Variants in ATP11A observed in about 807,000 individuals in gnomAD.
The protein encoded by ATP11A is ATPase phospholipid transporting 11A, also known as phospholipid-transporting ATPase IH.
A neutral mutation model predicts 154.4 loss-of-function variants in ATP11A; 81 were observed. That is an observed-to-expected ratio of 0.52 (90% CI 0.44 to 0.63). The LOEUF (loss-of-function observed/expected upper bound fraction) is 0.63. Ranked by LOEUF, ATP11A falls within the 30% of genes least tolerant of loss-of-function variation. The pLI is 0.00. For missense variants in ATP11A, 1,316 were observed against 1,474.3 expected (o/e 0.89, Z 1.76); for synonymous variants, 623 against 585.9 (o/e 1.06, Z -0.91).
chr13:112,716,969 G>C (rs906919172), intron 1 of ATP11A, among the ~76,000 whole-genome samples: 1 of 152,164 alleles, frequency 6.6e-6, no homozygotes. Context: ...GAGGCTTGTG[G>C]TGTCCACCCA....
intron 1 of ATP11A, among the ~76,000 whole-genome samples, chr13:112,775,636 A>G (rs1000003516): frequency 1.3e-5 from 2 of 152,254 alleles, no homozygotes; most frequent in Non-Finnish European, 2.9e-5. Flanking sequence ...AATATAGCAA[A>G]AATGTTAACA....
intron 12 of ATP11A, among the ~76,000 whole-genome samples, chr13:112,827,155 A>G (rs543860018): frequency 6.6e-6 from 1 of 152,192 alleles, no homozygotes; most frequent in Non-Finnish European, 1.5e-5. Context: ...GCAGGTGTGA[A>G]TCAAGGCTGG....
chr13:112,786,195 A>G (rs78088092), intron 2 of ATP11A, among the ~76,000 whole-genome samples: 4 of 54,202 alleles, frequency 7.4e-5, no homozygotes, highest in Admixed American at 3.8e-4. Context: ...TTCATACTCC[A>G]TTTATCTTCA....
intron 1 of ATP11A, chr13:112,747,438 A>C (rs956127561): frequency 7.2e-5 from 11 of 152,302 alleles, no homozygotes; most frequent in African/African-American, 2.7e-4. Context: ...GCGTGCCAAG[A>C]AACTGCAAAG....
At chr13:112,723,958 C>T (rs1216164495) in intron 1 of ATP11A, among the ~76,000 whole-genome samples, 1 of 152,094 alleles carries the variant, frequency 6.6e-6, no homozygotes, top group Non-Finnish European at 1.5e-5. Context: ...GGACATACCA[C>T]TTAATGTACA....
At chr13:112,695,834 C>T (rs1249764750) in intron 1 of ATP11A, among the ~76,000 whole-genome samples, 1 of 152,134 alleles carries the variant, frequency 6.6e-6, no homozygotes, top group Non-Finnish European at 1.5e-5. Flanking sequence ...CCAGACTTAT[C>T]AATGTTTTTT....
Position 112,880,817 on chromosome 13 carries a change from T to G in ATP11A, c.*10-1059T>G, listed in dbSNP as rs900271497. 4.1e-6 allele frequency: 4 copies of G among 985,304 alleles called. No individual in the cohort carries two copies. The African/African-American group carries it at 7.0e-5, about 17-fold the overall frequency. The allele number at this position is 985,304 out of a possible 1,614,324, so 61.0% of individuals were successfully genotyped here. On this transcript the variant is annotated intron_variant, in intron 29 of 29. Transcript: ENST00000375645. ...TGCTGTCCCAGGTAAGTAACACGCC[T>G]GAGGGCAAGCTGACCACACATGGAA... is the stretch of plus-strand genomic sequence containing the variant.
chr13:112,846,508 G>A (rs557612984), intron 17 of ATP11A, among the ~76,000 whole-genome samples: 13 of 152,332 alleles, frequency 8.5e-5, no homozygotes, highest in South Asian at 2.1e-4. Flanking sequence ...AACATGGGGC[G>A]TGTGTGATAA....
In ATP11A at chr13:112,746,544, G is replaced by A. The variant is rs1381112717; in HGVS notation, c.40-38591G>A. On this transcript the variant is annotated intron_variant, in intron 1 of 29. Transcript: ENST00000375645. This position sits in a 1 kb window ranked among gnomAD's most constrained non-coding sequence, Gnocchi z 4.1. ...CCGTGTAGGTAGTATCTCATTGTGGGGTTTTGTTGTTGTTTTTTAGAGACA... is the reference window on the plus strand; with the variant it reads ...CCGTGTAGGTAGTATCTCATTGTGGAGTTTTGTTGTTGTTTTTTAGAGACA... 2.6e-5 allele frequency: 4 copies of A among 152,026 alleles called. No individual in the cohort carries two copies. The highest frequency in any genetic ancestry group is 2.6e-4 in the Admixed American group (4 of 15,248). 9.4% of individuals were successfully genotyped at this position (152,026 alleles called of 1,614,324 possible).
intron 17 of ATP11A, 134 bp from the exon 18 acceptor site, chr13:112,850,903 G>A (rs1442087970): frequency 4.0e-6 from 3 of 759,184 alleles, no homozygotes; most frequent in East Asian, 2.5e-5. Context: ...ACTTAGTACT[G>A]TAAGTTTTGA....
At chr13:112,778,300 G>A (rs1347966589) in intron 1 of ATP11A, among the ~76,000 whole-genome samples, 3 of 152,220 alleles carry the variant, frequency 2.0e-5, no homozygotes, top group Admixed American at 1.3e-4. Context: ...AGAGGAGGTC[G>A]TCCAGGTCAG....
chr13:112,699,093 G>A (rs1886218675), intron 1 of ATP11A, among the ~76,000 whole-genome samples: 2 of 152,172 alleles, frequency 1.3e-5, no homozygotes, highest in African/African-American at 4.8e-5. Flanking sequence ...ATTTTTCTAT[G>A]AATAAAGATT....
In ATP11A at chr13:112,697,794, G is replaced by A. The variant is rs374513854; in HGVS notation, c.39+7339G>A. On this transcript the variant is annotated intron_variant, in intron 1 of 29. Transcript: ENST00000375645. The surrounding 1 kb of genome is among the most constrained non-coding windows in gnomAD (Gnocchi z 4.0). The stretch of plus-strand genomic sequence containing the variant: ...TCACCATATTGGCCAGGCTGGTCTC[G>A]AACTCCTGACCTCAGATGATCCGCC... Among the ~76,000 whole-genome samples, 2 of 147,330 alleles carry A rather than the reference G, an allele frequency of 1.4e-5. No homozygotes were observed. Among genetic ancestry groups the A allele is most frequent in the African/African-American group, 2.6e-5 (1 of 39,160 alleles).
chr13:112,727,701 C>T (rs1566390533), intron 1 of ATP11A, among the ~76,000 whole-genome samples: 1 of 152,204 alleles, frequency 6.6e-6, no homozygotes, highest in Non-Finnish European at 1.5e-5. Flanking sequence ...TAGTCCCTGC[C>T]CGTTTTCTTG....
At chr13:112,799,950 C>T (rs2078090585) in intron 2 of ATP11A, among the ~76,000 whole-genome samples, 1 of 151,934 alleles carries the variant, frequency 6.6e-6, no homozygotes, top group Non-Finnish European at 1.5e-5. Context: ...AACACATGAA[C>T]CAAAGAAGTC....
At chr13:112,871,974 G>A (rs545733703) in intron 26 of ATP11A, among the ~76,000 whole-genome samples, 174 bp downstream of exon 26, 10 of 152,250 alleles carry the variant, frequency 6.6e-5, no homozygotes, top group African/African-American at 2.4e-4. Context: ...CTGCTGTTTA[G>A]ACAAGTAATG....
chr13:112,783,364 A>G (rs529587740), intron 1 of ATP11A, among the ~76,000 whole-genome samples: 87 of 152,276 alleles, frequency 5.7e-4, no homozygotes, highest in Non-Finnish European at 1.2e-3. Flanking sequence ...GGCCCTGAGC[A>G]TTTACAAGTG....
chr13:112,853,172 A>T lies in ATP11A; in HGVS notation c.1992-1107A>T, dbSNP rs11838580. ...GAGTTGGAGGCTGCGGTGAGCTGAG[A>T]TCATACCACTGTACCCTAGCCTGGG... On this transcript the variant is annotated intron_variant, in intron 18 of 29. Coordinates refer to ENST00000375645, the MANE Select transcript of ATP11A (RefSeq NM_015205.3). Among the ~76,000 whole-genome samples, 747 of 152,154 alleles carry T rather than the reference A, an allele frequency of 4.9e-3. 8 individuals carry two copies. The highest frequency in any genetic ancestry group is 0.016 in the African/African-American group (650 of 41,498).
chr13:112,801,378 G>GA (rs1252496976), intron 2 of ATP11A, among the ~76,000 whole-genome samples: 1 of 150,488 alleles, frequency 6.6e-6, no homozygotes, highest in Non-Finnish European at 1.5e-5. Flanking sequence ...CCTAAGATTG[G>GA]AAAAAAGGCA....
Sources: gnomAD v4.1 joint callset for allele counts (sites outside exome capture counted in the v4.1 genomes callset) on GRCh38, gnomAD v4.1.1 for gene constraint, Gnocchi (gnomAD v3.1) non-coding constraint, MANE v1.5 for transcripts, NCBI Gene and HGNC (gene_info 2026-07-23, HGNC 2026-07-21) for gene names.